Variants in ABCB8 observed in about 807,000 individuals in gnomAD.
The protein encoded by ABCB8 is mitochondrial potassium channel ATP-binding subunit.
ABCB8 carries 52 observed loss-of-function variants against 73.0 expected under a neutral mutation model. That is an observed-to-expected ratio of 0.71 (90% CI 0.57 to 0.90). The LOEUF is 0.90. Among genes scored for constraint, ABCB8 ranks in the 40% least tolerant of loss-of-function variants. The probability of loss-of-function intolerance (pLI) is 0.00; values close to 1 mark genes in which losing one functional copy is unlikely to be tolerated. For synonymous variants in ABCB8, 428 were observed against 423.5 expected, an observed-to-expected ratio of 1.01 and a Z score of -0.13; for missense variants, 909 against 974.6, an observed-to-expected ratio of 0.93 and a Z score of 0.90.
At chr7:151,037,080 T>G (rs1325718548) in intron 9 of ABCB8, 1 of 697,250 alleles carries the variant, frequency 1.4e-6, no homozygotes, top group Non-Finnish European at 2.6e-6. Flanking sequence ...GCGGAAACTA[T>G]CCCCATGACA....
intron 11 of ABCB8, 25 bp downstream of exon 11, chr7:151,040,659 G>A: frequency 6.2e-7 from 1 of 1,605,956 alleles, no homozygotes; most frequent in South Asian, 1.1e-5. Flanking sequence ...GCAGGCGTGG[G>A]GATGGGTCCC....
At chr7:151,031,624 C>T in intron 1 of ABCB8, 1 of 195,644 alleles carries the variant, frequency 5.1e-6, no homozygotes, top group Admixed American at 5.6e-5. Context: ...CCATGCCCCT[C>T]TGCTATGATC....
chr7:151,033,414 C>G (rs1796217198), intron 1 of ABCB8, 191 bp from the exon 2 acceptor site: 12 of 1,397,856 alleles, frequency 8.6e-6, no homozygotes, highest in Non-Finnish European at 1.0e-5. Context: ...CCTCATTCCT[C>G]TGCGACTTTG....
rs1173204008 is a variant in ABCB8, at chr7:151,034,519, CG to C, written c.582del (p.Tyr195ThrfsTer41). 8.7e-6 allele frequency: 14 copies of C among 1,613,316 alleles called. No individual in the cohort carries two copies. The highest frequency in any genetic ancestry group is 1.2e-5 in the Non-Finnish European group (14 of 1,180,028). Reference protein sequence around the residue: ...LYGVQGLLTFGYLVLLSHVGE... With the variant: ...LYGVQGLLTFXYLVLLSHVGE... ...CTCTTTCGCAGGGACTGCTGACCTT[CG>C]GGTACCTGGTGCTGCTGTCCCACGT... On this transcript the variant is annotated frameshift_variant, in exon 4 of 16. Transcript: ENST00000358849. LOFTEE classifies it high-confidence loss of function.
In ABCB8 at chr7:151,045,687, C is replaced by T. The variant is rs1796595599; in HGVS notation, c.*338C>T. 1 of 242,978 alleles carries T rather than the reference C, an allele frequency of 4.1e-6. No individual in the cohort carries two copies. Among genetic ancestry groups the T allele is most frequent in the African/African-American group, 2.2e-5 (1 of 44,728 alleles). 15.1% of individuals were successfully genotyped at this position (242,978 alleles called of 1,614,324 possible). On this transcript the variant is annotated 3_prime_UTR_variant, in exon 16 of 16. Transcript: ENST00000358849. ...CTCAAGAGACGTTCTGGCCAGTCTC[C>T]CTGCCCCACCCAGCAGCTTCAAATT... is the stretch of plus-strand genomic sequence containing the variant.
chr7:151,034,977 G>A (rs1584949378), intron 5 of ABCB8, 148 bp downstream of exon 5: 1 of 696,718 alleles, frequency 1.4e-6, no homozygotes, highest in Non-Finnish European at 2.4e-6. Flanking sequence ...GCATGGGTGA[G>A]GGACCATGGA....
rs1796558848 is a variant in ABCB8 at position 151,044,361 on chromosome 7, A to G, written c.2016+140A>G. Reference sequence around the variant, plus strand: ...CTATATTCTGGAAGCAGCGTCCCATATAGAGTCAGGAGTTCCTGCATTCAG... The same window carrying G: ...CTATATTCTGGAAGCAGCGTCCCATGTAGAGTCAGGAGTTCCTGCATTCAG... On this transcript the variant is annotated intron_variant, in intron 15 of 15. Transcript: ENST00000358849. 2.2e-6 allele frequency: 3 copies of G among 1,391,736 alleles called. No individual in the cohort carries two copies. The African/African-American group carries it at 4.3e-5, about 20-fold the overall frequency. The allele number at this position is 1,391,736 out of a possible 1,614,324, so 86.2% of individuals were successfully genotyped here. A position where few individuals can be genotyped will look rare whatever the true frequency, so the allele number is the denominator to read the frequency against.
rs535474058 is a variant in ABCB8 at position 151,045,573 on chromosome 7, G to C, written c.*224G>C. The stretch of plus-strand genomic sequence containing the variant: ...GGCTGCCTCCCTCCCACCAGAGTCT[G>C]CCAGAGTCATTGGGCTGCAATGGGC... On this transcript the variant is annotated 3_prime_UTR_variant, in exon 16 of 16. Transcript: ENST00000358849. 4 of 485,768 alleles carry C rather than the reference G, an allele frequency of 8.2e-6. No individual in the cohort carries two copies. The highest frequency in any genetic ancestry group is 2.0e-5 in the African/African-American group (1 of 49,296). The allele number at this position is 485,768 out of a possible 1,614,324, so 30.1% of individuals were successfully genotyped here.
At chr7:151,028,938 C>T (rs746445874) in intron 1 of ABCB8, 64 of 1,342,022 alleles carry the variant, frequency 4.8e-5, no homozygotes, top group Admixed American at 9.6e-5. Flanking sequence ...GACGAAAATT[C>T]TTATTAGTAT....
chr7:151,033,332 CTGGCTGGCTGGGTGT>C lies in ABCB8; in HGVS notation c.96-270_96-256del, dbSNP rs1449297327. 57 of 1,140,360 alleles carry C rather than the reference CTGGCTGGCTGGGTGT, an allele frequency of 5.0e-5. No homozygotes were observed. The East Asian group carries it at 1.6e-3, about 33-fold the overall frequency. The allele number at this position is 1,140,360 out of a possible 1,614,324, so 70.6% of individuals were successfully genotyped here. Reference sequence around the variant, plus strand: ...GCCTGGAGTCGAGGCTGCGAGGGCCCTGGCTGGCTGGGTGTTGCCTGAGAGTTGCCCAGGGGAATA... The same window carrying C: ...GCCTGGAGTCGAGGCTGCGAGGGCCCTGCCTGAGAGTTGCCCAGGGGAATA... On this transcript the variant is annotated intron_variant, in intron 1 of 15. Transcript: ENST00000358849.
chr7:151,036,876 C>A (rs369291055), intron 9 of ABCB8: 1 of 756,288 alleles, frequency 1.3e-6, no homozygotes, highest in Non-Finnish European at 2.4e-6. Context: ...TGCTTGTCAT[C>A]TTCAGCCTTC....
intron 4 of ABCB8, 35 bp from the exon 5 acceptor site, chr7:151,034,689 T>C: frequency 6.2e-7 from 1 of 1,610,594 alleles, no homozygotes; most frequent in Admixed American, 1.7e-5. Flanking sequence ...TGTCTCCCTC[T>C]TCTGCCCTCC....
In ABCB8 at chr7:151,032,353, A is replaced by G. The variant is rs368119699; in HGVS notation, c.96-1252A>G. On this transcript the variant is annotated intron_variant, in intron 1 of 15. Transcript: ENST00000358849. ...TGTGAGGGGAGTTACTTCAGCTGTCATGTAACTCCATAACTCCGAGCAGAG... is the reference window on the plus strand; with the variant it reads ...TGTGAGGGGAGTTACTTCAGCTGTCGTGTAACTCCATAACTCCGAGCAGAG... Among the ~76,000 whole-genome samples, 22 of 152,322 alleles carry G rather than the reference A, an allele frequency of 1.4e-4. 1 individual carries two copies. The South Asian group carries it at 4.1e-3, about 29-fold the overall frequency.
At chr7:151,044,645 G>A (rs1796567057) in intron 15 of ABCB8, among the ~76,000 whole-genome samples, 1 of 152,242 alleles carries the variant, frequency 6.6e-6, no homozygotes, top group Admixed American at 6.5e-5. Flanking sequence ...TCTGGAGGCG[G>A]AGGCGGGAGG....
Position 151,045,645 on chromosome 7 carries a change from C to T in ABCB8, c.*296C>T. 4 of 315,500 alleles carry T rather than the reference C, an allele frequency of 1.3e-5. No homozygotes were observed. Among genetic ancestry groups the T allele is most frequent in the Non-Finnish European group, 1.7e-5 (3 of 173,716 alleles). 19.5% of individuals were successfully genotyped at this position (315,500 alleles called of 1,614,324 possible). On this transcript the variant is annotated 3_prime_UTR_variant, in exon 16 of 16. Coordinates refer to ENST00000358849, the MANE Select transcript of ABCB8 (RefSeq NM_007188.5). ...ACCTCCACTCTATTCTCCCTTTGCC[C>T]AGACCCCTCCAGACCTCTCAAGAGA...
At chr7:151,033,390 T>G in intron 1 of ABCB8, 1 of 1,386,564 alleles carries the variant, frequency 7.2e-7, no homozygotes, top group Non-Finnish European at 9.3e-7. Context: ...TAAGACTAGA[T>G]TTTGTGCTCA....
chr7:151,037,526 A>G (rs1055327595), intron 9 of ABCB8: 12 of 590,820 alleles, frequency 2.0e-5, no homozygotes, highest in African/African-American at 7.4e-5. Context: ...AGCTAAACAC[A>G]AGCAGTTCTA....
rs577411755 is a variant in ABCB8, at chr7:151,046,632, C to G, written c.*1283C>G. The G allele has an allele frequency of 6.6e-5, 10 of 152,418 alleles. No individual in the cohort carries two copies. The highest frequency in any genetic ancestry group is 2.4e-4 in the African/African-American group (10 of 41,584). 9.4% of individuals were successfully genotyped at this position (152,418 alleles called of 1,614,324 possible). ...CTACACGGTGCCCTGTTCCCCTGGG[C>G]AGGAGAAGAGGTGGTACCTGCAATG... On this transcript the variant is annotated 3_prime_UTR_variant, in exon 16 of 16. Transcript: ENST00000358849.
Position 151,033,865 on chromosome 7 carries a change from T to A in ABCB8, c.356T>A (p.Leu119His). Reference protein sequence around the residue: ...HVVGSRFNWKLFWQFLHPHLL... With the variant: ...HVVGSRFNWKHFWQFLHPHLL... ...GTGGGGTCTCGCTTTAACTGGAAGCTCTTCTGGCAGTTTCTGCACCCCCAC... is the reference window on the plus strand; with the variant it reads ...GTGGGGTCTCGCTTTAACTGGAAGCACTTCTGGCAGTTTCTGCACCCCCAC... The change falls in exon 2 of 16, where the codon CTC becomes CAC. Residue 119 changes from leucine to histidine, a missense_variant. By Grantham distance (99) the Leu-to-His change is moderately conservative. Transcript: ENST00000358849. 1 of 1,612,334 alleles carries A rather than the reference T, an allele frequency of 6.2e-7. No homozygotes were observed. The highest frequency in any genetic ancestry group is 8.5e-7 in the Non-Finnish European group (1 of 1,179,070).
Sources: gnomAD v4.1 joint callset for allele counts (sites outside exome capture counted in the v4.1 genomes callset) on GRCh38, gnomAD v4.1.1 for gene constraint, MANE v1.5 for transcripts, NCBI Gene and HGNC (gene_info 2026-07-23, HGNC 2026-07-21) for gene names.